The following SCARA5 variants were observed in gnomAD, a reference collection of about 807,000 sequenced individuals.
SCARA5 encodes the protein scavenger receptor class A, member 5 (putative).
A neutral mutation model predicts 46.3 loss-of-function variants in SCARA5; 45 were observed. The ratio of observed to expected loss-of-function variants is 0.97; its 90% CI spans 0.76 to 1.24. The LOEUF (loss-of-function observed/expected upper bound fraction) is 1.24. Among genes scored for constraint, SCARA5 ranks in the 50% most tolerant of loss-of-function variants. The pLI is 0.00. For synonymous variants in SCARA5, 333 were observed against 306.5 expected (o/e 1.09, Z -0.90); for missense variants, 680 against 689.0 (o/e 0.99, Z 0.15).
chr8:27,968,737 G>C (rs971417059), intron 2 of SCARA5, among the ~76,000 whole-genome samples: 1 of 152,218 alleles, frequency 6.6e-6, no homozygotes, highest in African/African-American at 2.4e-5. Flanking sequence ...AAATCACACA[G>C]CCGTGAACAC....
chr8:27,877,305 T>C (rs945997928), intron 8 of SCARA5, among the ~76,000 whole-genome samples: 8 of 152,102 alleles, frequency 5.3e-5, no homozygotes, highest in Admixed American at 1.3e-4. Flanking sequence ...AGGGAAATAA[T>C]GGGGCAAAAA....
chr8:27,916,737 G>A (rs1563524217), intron 4 of SCARA5, among the ~76,000 whole-genome samples: 1 of 152,188 alleles, frequency 6.6e-6, no homozygotes, highest in Non-Finnish European at 1.5e-5. Context: ...CAGAGACAGG[G>A]AGGCAGGAAA....
intron 3 of SCARA5, among the ~76,000 whole-genome samples, chr8:27,935,081 T>C (rs1416163401): frequency 2.6e-5 from 4 of 152,176 alleles, no homozygotes; most frequent in Non-Finnish European, 5.9e-5. Context: ...AGAAGCTAGC[T>C]AGGATGCAGG....
At chr8:27,924,588 C>T (rs1211371805) in intron 3 of SCARA5, among the ~76,000 whole-genome samples, 1 of 152,228 alleles carries the variant, frequency 6.6e-6, no homozygotes, top group African/African-American at 2.4e-5. Flanking sequence ...CCCCTGCTTA[C>T]ACCAGTCTCT....
Position 27,907,205 on chromosome 8 carries a change from T to C in SCARA5, c.1039A>G (p.Lys347Glu). ...GCCCCCAGCTTCCCATCATCGCCCT[T>C]GGGCCCGGGCAATCCTGGGGTACCT... Reference protein sequence around the residue: ...ERGTPGLPGPKGDDGKLGATG... With the variant: ...ERGTPGLPGPEGDDGKLGATG... The change falls in exon 6 of 9, where the codon AAG becomes GAG. Residue 347 changes from lysine to glutamate, a missense_variant. Physicochemically the swap from Lys to Glu is moderately conservative, Grantham distance 56. Around this residue, in one of 3 missense-constraint regions of SCARA5, gnomAD observed 219 missense variants for 269.5 expected, o/e 0.81. Coordinates refer to ENST00000354914, the MANE Select transcript of SCARA5 (RefSeq NM_173833.6). The C allele has an allele frequency of 1.2e-6, 2 of 1,613,676 alleles. No individual in the cohort carries two copies. The highest frequency in any genetic ancestry group is 2.2e-5 in the South Asian group (2 of 90,964).
chr8:27,950,948 A>G (rs558571305), intron 3 of SCARA5, among the ~76,000 whole-genome samples: 1 of 151,482 alleles, frequency 6.6e-6, no homozygotes, highest in Non-Finnish European at 1.5e-5. Context: ...CTGCTGTTAT[A>G]GTACCATACA....
chr8:27,971,986 C>T (rs770854292), intron 2 of SCARA5, among the ~76,000 whole-genome samples: 6 of 152,066 alleles, frequency 3.9e-5, no homozygotes, highest in African/African-American at 4.8e-5. Context: ...ACTTTATCAT[C>T]GTAAGTGGAA....
At chr8:27,939,139 A>C (rs1356449912) in intron 3 of SCARA5, among the ~76,000 whole-genome samples, 1 of 152,220 alleles carries the variant, frequency 6.6e-6, no homozygotes, top group African/African-American at 2.4e-5. Context: ...GATGTTGTGG[A>C]GAAACTTAGG....
intron 7 of SCARA5, among the ~76,000 whole-genome samples, chr8:27,887,645 C>G (rs557514457): frequency 7.2e-4 from 109 of 152,312 alleles, no homozygotes; most frequent in Middle Eastern, 6.8e-3. Context: ...CCCTGCCCCC[C>G]ATAGCAGAGA....
intron 8 of SCARA5, among the ~76,000 whole-genome samples, chr8:27,877,536 T>C (rs1806744780): frequency 6.6e-6 from 1 of 152,212 alleles, no homozygotes; most frequent in African/African-American, 2.4e-5. Flanking sequence ...CTACCTATTC[T>C]GGCTTCTTGA....
rs577151138 is a variant in SCARA5 at position 27,908,262 on chromosome 8, C to T, written c.998-1016G>A. 5.3e-5 allele frequency among the ~76,000 whole-genome samples: 8 copies of T among 152,328 alleles called. No individual in the cohort carries two copies. In the East Asian group the frequency reaches 9.7e-4, roughly 18 times the overall value. On this transcript the variant is annotated intron_variant, in intron 5 of 8. Coordinates refer to ENST00000354914, the MANE Select transcript of SCARA5 (RefSeq NM_173833.6). ...GAGGTATAGCAAAAGGGATTGGAGG[C>T]GAGGTCAGTAAATGGATGGCCTGCT...
intron 3 of SCARA5, among the ~76,000 whole-genome samples, chr8:27,929,197 C>G (rs1807728266): frequency 6.6e-6 from 1 of 152,112 alleles, no homozygotes. Context: ...GGTGGCTTGC[C>G]CCTGCACATC....
rs1185583397 is a variant in SCARA5, at chr8:27,961,874, C to CT, written c.241+4539dup. On this transcript the variant is annotated intron_variant, in intron 3 of 8. Transcript: ENST00000354914. ...ACTTGGTTAAAACTGAAATAATCATCTTTTTTTTCTACAAATATTTTCTAG... is the reference window on the plus strand; with the variant it reads ...ACTTGGTTAAAACTGAAATAATCATCTTTTTTTTTCTACAAATATTTTCTAG... 3.9e-5 allele frequency among the ~76,000 whole-genome samples: 6 copies of CT among 152,188 alleles called. No individual in the cohort carries two copies. The East Asian group carries it at 1.2e-3, about 29-fold the overall frequency.
chr8:27,973,649 C>T (rs1374221542), intron 2 of SCARA5, among the ~76,000 whole-genome samples: 1 of 152,130 alleles, frequency 6.6e-6, no homozygotes, highest in African/African-American at 2.4e-5. Context: ...CTTAGTCATA[C>T]CAAGGCCTGA....
chr8:27,893,416 C>G (rs1471080299), intron 7 of SCARA5, among the ~76,000 whole-genome samples: 1 of 152,182 alleles, frequency 6.6e-6, no homozygotes, highest in Non-Finnish European at 1.5e-5. Context: ...GGGGATTCTC[C>G]TCTCAAAACA....
At chr8:27,904,014 A>T (rs971747812) in intron 7 of SCARA5, among the ~76,000 whole-genome samples, 1 of 80,336 alleles carries the variant, frequency 1.2e-5, no homozygotes, top group African/African-American at 4.4e-5. Context: ...GCAAGTCTCC[A>T]AGATTCTACA....
intron 3 of SCARA5, among the ~76,000 whole-genome samples, chr8:27,941,617 T>G (rs1232091408): frequency 6.6e-6 from 1 of 152,020 alleles, no homozygotes; most frequent in African/African-American, 2.4e-5. Context: ...GGTGTTGTTA[T>G]TAACATCCTT....
At position 27,871,955 on chromosome 8, in the gene SCARA5, G is replaced by A. The variant is rs767248131; in HGVS notation, c.1467C>T (p.Ser489=). The change falls in exon 9 of 9, where the codon AGC becomes AGT. Residue 489 remains serine (S), a synonymous_variant. Transcript: ENST00000354914. ...VTNCGHAEDA[S]VTCNRH ...ACTTTCAGTGTCTGTTGCATGTCAC[G>A]CTGGCATCTTCGGCATGTCCACAGT... 3 of 1,614,086 alleles carry A rather than the reference G, an allele frequency of 1.9e-6. No individual in the cohort carries two copies. Among genetic ancestry groups the A allele is most frequent in the African/African-American group, 1.3e-5 (1 of 74,934 alleles).
chr8:27,966,458 T>G lies in SCARA5; in HGVS notation c.197A>C (p.Tyr66Ser), dbSNP rs778549396. The G allele has an allele frequency of 6.2e-7, 1 of 1,613,474 alleles. No homozygotes were observed. ...SALKHAVLGL[Y>S]LLVFLILVGI... ...CACAAGAATCAGGAAGACCAGCAGGTAGAGCCCCAGGACAGCATGCTTCAG... is the reference window on the plus strand; with the variant it reads ...CACAAGAATCAGGAAGACCAGCAGGGAGAGCCCCAGGACAGCATGCTTCAG... The change falls in exon 3 of 9, where the codon TAC becomes TCC. Residue 66 changes from tyrosine to serine, a missense_variant. This residue lies in a region of SCARA5 where 438 missense variants were observed against 384.5 expected (regional missense o/e 1.14). Transcript: ENST00000354914.
Sources: gnomAD v4.1 joint callset for allele counts (sites outside exome capture counted in the v4.1 genomes callset) on GRCh38, gnomAD v4.1.1 for gene constraint, gnomAD v4.1.1 regional missense constraint, MANE v1.5 for transcripts, NCBI Gene and HGNC (gene_info 2026-07-23, HGNC 2026-07-21) for gene names.